The following CCDC178 variants were observed in gnomAD, a reference collection of about 807,000 sequenced individuals.
The protein encoded by CCDC178 is coiled-coil domain containing 178, also known as coiled-coil domain-containing protein 178.
Under a neutral mutation model 117.4 loss-of-function variants are expected in CCDC178, and 126 were observed. That is an observed-to-expected ratio of 1.07 (90% CI 0.93 to 1.24). The LOEUF (loss-of-function observed/expected upper bound fraction) is 1.24. CCDC178 is among the 50% of genes most tolerant of loss of function. The pLI is 0.00. For missense variants in CCDC178, 1,030 were observed against 986.9 expected (o/e 1.04, Z -0.59); for synonymous variants, 283 against 313.4 (o/e 0.90, Z 1.02).
chr18:33,329,664 C>A (rs2062636627), intron 10 of CCDC178, among the ~76,000 whole-genome samples: 1 of 151,970 alleles, frequency 6.6e-6, no homozygotes, highest in South Asian at 2.1e-4. Context: ...GATGTATAAT[C>A]TTTTTAATAT....
chr18:33,287,055 T>G (rs1022396204), intron 12 of CCDC178, among the ~76,000 whole-genome samples: 1 of 145,966 alleles, frequency 6.9e-6, no homozygotes, highest in Non-Finnish European at 1.5e-5. Context: ...CCATTGTTTT[T>G]AGAAATGAAA....
intron 20 of CCDC178, among the ~76,000 whole-genome samples, chr18:33,203,921 C>T (rs545792068): frequency 6.6e-6 from 1 of 152,088 alleles, no homozygotes; most frequent in Non-Finnish European, 1.5e-5. Flanking sequence ...AAGACTCTAT[C>T]CAACGTGGAT....
intron 22 of CCDC178, among the ~76,000 whole-genome samples, chr18:32,964,099 T>A (rs2054762638): frequency 6.6e-6 from 1 of 151,870 alleles, no homozygotes. Flanking sequence ...AAGGTAGGGG[T>A]GTAGAACAAA....
intron 15 of CCDC178, among the ~76,000 whole-genome samples, chr18:33,228,916 A>C (rs777539771): frequency 2.3e-4 from 35 of 152,220 alleles, no homozygotes; most frequent in Non-Finnish European, 4.4e-4. Flanking sequence ...AATACTTTCA[A>C]AACACCACAG....
chr18:33,161,006 AT>A (rs1163164213), intron 20 of CCDC178, among the ~76,000 whole-genome samples: 1 of 152,152 alleles, frequency 6.6e-6, no homozygotes, highest in Non-Finnish European at 1.5e-5. Context: ...AATCTATTTT[AT>A]TTCACACATA....
chr18:33,353,455 A>G (rs2063005982), intron 7 of CCDC178, among the ~76,000 whole-genome samples: 1 of 151,866 alleles, frequency 6.6e-6, no homozygotes, highest in South Asian at 2.1e-4. Flanking sequence ...TTCATTTTCT[A>G]TATTATTTAT....
At chr18:33,354,080 T>G (rs997723016) in intron 7 of CCDC178, among the ~76,000 whole-genome samples, 2 of 152,196 alleles carry the variant, frequency 1.3e-5, no homozygotes, top group Non-Finnish European at 2.9e-5. Context: ...AGTTTCTTTT[T>G]TTTCTTCTGG....
At chr18:32,997,049 T>A (rs1189790888) in intron 21 of CCDC178, among the ~76,000 whole-genome samples, 2 of 152,132 alleles carry the variant, frequency 1.3e-5, no homozygotes, top group African/African-American at 4.8e-5. Context: ...TTACAAAGAC[T>A]TCAAATCATA....
intron 20 of CCDC178, among the ~76,000 whole-genome samples, chr18:33,209,890 T>C (rs2059086897): frequency 6.6e-6 from 1 of 151,694 alleles, no homozygotes; most frequent in African/African-American, 2.4e-5. Flanking sequence ...GAGTAGGAAG[T>C]ATCAGGAAAA....
chr18:33,301,703 T>C (rs58032422), intron 11 of CCDC178, among the ~76,000 whole-genome samples: 1,603 of 152,330 alleles, frequency 0.011, 27 homozygotes, highest in African/African-American at 0.036. Flanking sequence ...ATGAGGCCTG[T>C]TGCCTCTTTC....
chr18:33,202,391 T>TAAAAA (rs60997290), intron 20 of CCDC178, among the ~76,000 whole-genome samples: 2 of 20,282 alleles, frequency 9.9e-5, no homozygotes, highest in African/African-American at 1.5e-4. Context: ...GACTCCATCT[T>TAAAAA]AAAAAAAAAA....
chr18:33,329,095 A>C lies in CCDC178; in HGVS notation c.879+4079T>G, dbSNP rs187107056. Among the ~76,000 whole-genome samples, 804 of 152,216 alleles carry C rather than the reference A, an allele frequency of 5.3e-3. 6 individuals carry two copies. Among genetic ancestry groups the C allele is most frequent in the Non-Finnish European group, 8.3e-3 (566 of 67,972 alleles). On this transcript the variant is annotated intron_variant, in intron 10 of 22. Coordinates refer to ENST00000383096, the MANE Select transcript of CCDC178 (RefSeq NM_001105528.4). ...TTTCTTAATTTTTTTTGGATTGTTC[A>C]CCACTAATGTATAAAAATATAACTG...
chr18:32,938,244 A>G (rs2054163413), intron 22 of CCDC178, 153 bp from the exon 23 acceptor site: 1 of 604,212 alleles, frequency 1.7e-6, no homozygotes, highest in Admixed American at 2.8e-5. Flanking sequence ...CAAACAGTAT[A>G]AACCCCAAGG....
chr18:33,285,975 AT>A (rs60956262), intron 12 of CCDC178, among the ~76,000 whole-genome samples: 8,449 of 137,952 alleles, frequency 0.061, 330 homozygotes, highest in East Asian at 0.13. Context: ...AGCAATGTGT[AT>A]TTTTTTTTTT....
At chr18:33,118,810 C>A (rs1210818103) in intron 20 of CCDC178, among the ~76,000 whole-genome samples, 1 of 152,122 alleles carries the variant, frequency 6.6e-6, no homozygotes, top group African/African-American at 2.4e-5. Context: ...GCTACAGTAA[C>A]CAAAACAGCA....
intron 11 of CCDC178, among the ~76,000 whole-genome samples, chr18:33,309,939 TTTTATTTATTTATTTA>T (rs138569090): frequency 1.4e-4 from 20 of 141,266 alleles, no homozygotes; most frequent in South Asian, 4.5e-4. Flanking sequence ...TTTTCTTTTC[TTTTATTTATTTATTTA>T]TTTATTTATT....
intron 21 of CCDC178, among the ~76,000 whole-genome samples, chr18:33,026,417 A>T (rs771805272): frequency 5.9e-5 from 9 of 152,080 alleles, no homozygotes; most frequent in Non-Finnish European, 1.3e-4. Context: ...ATGTGGAACT[A>T]AAAATACCTC....
At chr18:33,374,888 T>C (rs1246986970) in intron 5 of CCDC178, among the ~76,000 whole-genome samples, 4 of 152,200 alleles carry the variant, frequency 2.6e-5, no homozygotes, top group African/African-American at 4.8e-5. Flanking sequence ...ACAAGTGGCA[T>C]AATTTCATTT....
chr18:33,074,105 GC>G (rs1375929413), intron 21 of CCDC178, among the ~76,000 whole-genome samples: 2 of 152,024 alleles, frequency 1.3e-5, no homozygotes, highest in Non-Finnish European at 2.9e-5. Context: ...AGTCGGGGAG[GC>G]CAGGGCAAGA....
Sources: allele counts gnomAD v4.1 joint callset (sites outside exome capture counted in the v4.1 genomes callset), GRCh38; gene constraint gnomAD v4.1.1; transcripts MANE v1.5; gene names NCBI Gene and HGNC (gene_info 2026-07-23, HGNC 2026-07-21).